The following KIFAP3 variants were observed in gnomAD, a reference collection of about 807,000 sequenced individuals.
The protein encoded by KIFAP3 is kinesin-associated protein 3.
In KIFAP3, 68 loss-of-function variants were observed where a neutral mutation model predicts 106.5. The observed-to-expected ratio is 0.64, with a 90% CI of 0.53 to 0.78. The LOEUF (loss-of-function observed/expected upper bound fraction) is 0.78. Among genes scored for constraint, KIFAP3 ranks in the 30% least tolerant of loss-of-function variants. KIFAP3 has a pLI of 0.00. For missense variants in KIFAP3, 780 were observed against 941.8 expected, an observed-to-expected ratio of 0.83 and a Z score of 2.25; for synonymous variants, 320 against 311.5, an observed-to-expected ratio of 1.03 and a Z score of -0.29.
intron 18 of KIFAP3, among the ~76,000 whole-genome samples, chr1:169,960,311 T>C (rs1416685475): frequency 2.0e-5 from 3 of 152,122 alleles, no homozygotes; most frequent in Non-Finnish European, 4.4e-5. Flanking sequence ...TTCAACTTGC[T>C]AGAGATTTTA....
At chr1:169,973,124 A>ATATAT (rs1361338751) in intron 16 of KIFAP3, among the ~76,000 whole-genome samples, 2 of 48,732 alleles carry the variant, frequency 4.1e-5, no homozygotes, top group Non-Finnish European at 7.5e-5. Context: ...TATATATATA[A>ATATAT]ACAACACAAA....
At chr1:170,047,620 CAAA>C (rs1165754265) in intron 2 of KIFAP3, among the ~76,000 whole-genome samples, 650 of 46,148 alleles carry the variant, frequency 0.014, 7 homozygotes, top group African/African-American at 0.044. Flanking sequence ...GGCTCTGTCT[CAAA>C]AAAAAAAAAA....
At chr1:170,012,734 A>T (rs1001639302) in intron 10 of KIFAP3, among the ~76,000 whole-genome samples, 2 of 152,132 alleles carry the variant, frequency 1.3e-5, no homozygotes, top group African/African-American at 4.8e-5. Flanking sequence ...TAATACAGAC[A>T]TACCCAAGAC....
Position 169,987,556 on chromosome 1 carries a change from G to A in KIFAP3, c.1285-2866C>T, listed in dbSNP as rs1302037286. ...TGACTGGCTACTCCCTAACTCTCCT[G>A]TTTGAAGTGATGCTCTGGTTTCTGA... On this transcript the variant is annotated intron_variant, in intron 11 of 19. Transcript: ENST00000361580. Among the ~76,000 whole-genome samples the A allele has an allele frequency of 2.0e-5, 3 of 152,144 alleles. No individual in the cohort carries two copies. In the South Asian group the frequency reaches 6.2e-4, roughly 32 times the overall value.
chr1:169,987,128 T>C (rs1463339259), intron 11 of KIFAP3, among the ~76,000 whole-genome samples: 1 of 152,090 alleles, frequency 6.6e-6, no homozygotes, highest in Non-Finnish European at 1.5e-5. Flanking sequence ...AAACTCCACA[T>C]GAAAGAGTAT....
rs537658299 is a variant in KIFAP3 at position 169,946,905 on chromosome 1, TCTTA to T, written c.2273+7102_2273+7105del. On this transcript the variant is annotated intron_variant, in intron 19 of 19. Coordinates refer to ENST00000361580, the MANE Select transcript of KIFAP3 (RefSeq NM_014970.4). ...TGTAAAGATTATGTAAGATCAAGAC[TCTTA>T]TACTATAAAAATTTTTTATTTGCTT... Among the ~76,000 whole-genome samples, 361 of 152,006 alleles carry T rather than the reference TCTTA, an allele frequency of 2.4e-3. 2 individuals are homozygous for T. The highest frequency in any genetic ancestry group is 7.8e-3 in the African/African-American group (325 of 41,558).
chr1:170,031,930 T>C lies in KIFAP3; in HGVS notation c.797A>G (p.Lys266Arg), dbSNP rs1161028516. The change falls in exon 8 of 20, where the codon AAA becomes AGA. Residue 266 changes from lysine (K) to arginine (R), a missense_variant. Around this residue, in one of 3 missense-constraint regions of KIFAP3, gnomAD observed 588 missense variants for 678.9 expected, o/e 0.87. Coordinates refer to ENST00000361580, the MANE Select transcript of KIFAP3 (RefSeq NM_014970.4). ...TLRKDYEKTF[K>R]KYQGLVVKQE... Reference sequence around the variant, plus strand: ...TTTTACCACAAGCCCCTGGTACTTTTTAAAGGTTTTTTCATAATCCTTTCT... The same window carrying C: ...TTTTACCACAAGCCCCTGGTACTTTCTAAAGGTTTTTTCATAATCCTTTCT... The C allele has an allele frequency of 5.0e-6, 8 of 1,611,252 alleles. No individual in the cohort carries two copies. Among genetic ancestry groups the C allele is most frequent in the Non-Finnish European group, 5.9e-6 (7 of 1,178,078 alleles).
chr1:169,991,879 T>C (rs12038720), intron 11 of KIFAP3, among the ~76,000 whole-genome samples: 2,404 of 152,168 alleles, frequency 0.016, 47 homozygotes, highest in South Asian at 0.081. Flanking sequence ...AAGCAATATG[T>C]AAATATTACA....
In KIFAP3 at chr1:169,954,130, G is replaced by C. The variant is rs762114856; in HGVS notation, c.2174-20C>G. ...ATCCATCTAGAAAGAAAAAAAAATG[G>C]TAACCAGTAAAACATATGTGTAGGA... is the stretch of plus-strand genomic sequence containing the variant. On this transcript the variant is annotated intron_variant, in intron 18 of 19. Coordinates refer to ENST00000361580, the MANE Select transcript of KIFAP3 (RefSeq NM_014970.4). 7.9e-5 allele frequency: 116 copies of C among 1,461,380 alleles called. No individual in the cohort carries two copies. Among genetic ancestry groups the C allele is most frequent in the Non-Finnish European group, 1.1e-4 (110 of 1,042,936 alleles). 90.5% of individuals were successfully genotyped at this position (1,461,380 alleles called of 1,614,324 possible). A position where few individuals can be genotyped will look rare whatever the true frequency, so the allele number is the denominator to read the frequency against.
intron 9 of KIFAP3, among the ~76,000 whole-genome samples, chr1:170,017,352 A>T (rs955778705): frequency 6.6e-6 from 1 of 151,820 alleles, no homozygotes; most frequent in Admixed American, 6.6e-5. Flanking sequence ...TGAAAACAGC[A>T]TTGAGAGAAC....
At chr1:170,058,094 C>T (rs1033698545) in intron 1 of KIFAP3, among the ~76,000 whole-genome samples, 1 of 152,108 alleles carries the variant, frequency 6.6e-6, no homozygotes, top group Non-Finnish European at 1.5e-5. Context: ...TTCTGAAGTA[C>T]ATCCTTATGT....
intron 11 of KIFAP3, among the ~76,000 whole-genome samples, chr1:169,990,919 T>C (rs1197857352): frequency 6.6e-6 from 1 of 152,108 alleles, no homozygotes; most frequent in African/African-American, 2.4e-5. Flanking sequence ...AAACTATTAA[T>C]ATTAACCATA....
At chr1:170,032,463 T>C (rs1165717990) in intron 7 of KIFAP3, among the ~76,000 whole-genome samples, 1 of 151,728 alleles carries the variant, frequency 6.6e-6, no homozygotes, top group Non-Finnish European at 1.5e-5. Flanking sequence ...TGTAGCAGCC[T>C]TTTCAGACTA....
At chr1:170,005,528 TA>T (rs1316804849) in intron 10 of KIFAP3, among the ~76,000 whole-genome samples, 1 of 151,676 alleles carries the variant, frequency 6.6e-6, no homozygotes, top group Non-Finnish European at 1.5e-5. Flanking sequence ...TATGCAGCCA[TA>T]AAAAATGATG....
intron 8 of KIFAP3, among the ~76,000 whole-genome samples, chr1:170,027,333 A>T (rs950864229): frequency 6.6e-6 from 1 of 152,062 alleles, no homozygotes; most frequent in African/African-American, 2.4e-5. Context: ...TCTTGCTTCT[A>T]ATCAAAGATT....
intron 9 of KIFAP3, among the ~76,000 whole-genome samples, chr1:170,022,432 T>TA (rs928043700): frequency 2.7e-4 from 40 of 148,170 alleles, no homozygotes; most frequent in East Asian, 2.5e-3. Flanking sequence ...AAAATGTCTT[T>TA]AAAAAAAAAA....
intron 18 of KIFAP3, among the ~76,000 whole-genome samples, chr1:169,958,764 A>G (rs1384966044): frequency 1.3e-5 from 2 of 152,196 alleles, no homozygotes; most frequent in African/African-American, 4.8e-5. Context: ...AAATGACAAA[A>G]TATTTCCTCT....
intron 11 of KIFAP3, among the ~76,000 whole-genome samples, chr1:169,988,976 C>T (rs938819094): frequency 6.6e-6 from 1 of 151,790 alleles, no homozygotes; most frequent in East Asian, 1.9e-4. Flanking sequence ...AAAAAGAAAA[C>T]ATCAAAAATC....
chr1:170,047,014 C>G, intron 2 of KIFAP3, 148 bp from the exon 3 acceptor site: 1 of 416,828 alleles, frequency 2.4e-6, no homozygotes, highest in Non-Finnish European at 4.0e-6. Context: ...TATAATTAGG[C>G]TTAGAAAAAT....
Sources: gnomAD v4.1 joint callset for allele counts (sites outside exome capture counted in the v4.1 genomes callset) on GRCh38, gnomAD v4.1.1 for gene constraint, gnomAD v4.1.1 regional missense constraint, MANE v1.5 for transcripts, NCBI Gene and HGNC (gene_info 2026-07-23, HGNC 2026-07-21) for gene names.